The following CSMD2 variants were observed in gnomAD, a reference collection of about 807,000 sequenced individuals.
The protein encoded by CSMD2 is CUB and Sushi multiple domains 2.
A neutral mutation model predicts 398.5 loss-of-function variants in CSMD2; 130 were observed. The observed-to-expected ratio is 0.33, with a 90% CI of 0.28 to 0.38. CSMD2 has a LOEUF of 0.38. Among genes scored for constraint, CSMD2 ranks in the 10% least tolerant of loss-of-function variants. The pLI, the probability that CSMD2 is intolerant of heterozygous loss-of-function variation, is 1.00. For synonymous variants in CSMD2, 1,828 were observed against 1,908.5 expected (o/e 0.96, Z 1.10); for missense variants, 3,829 against 4,764.9 (o/e 0.80, Z 5.78).
intron 10 of CSMD2, 135 bp downstream of exon 10, chr1:33,810,608 A>T: frequency 1.4e-6 from 1 of 731,942 alleles, no homozygotes. Context: ...CTCGATATTA[A>T]TAAAAAAAAA....
intron 55 of CSMD2, among the ~76,000 whole-genome samples, chr1:33,554,185 CTTTTTTTTTT>C (rs397860875): frequency 4.0e-5 from 3 of 74,384 alleles, no homozygotes; most frequent in South Asian, 7.2e-4. Flanking sequence ...AAAAAACAGC[CTTTTTTTTTT>C]TTTTTTTTTT....
intron 1 of CSMD2, among the ~76,000 whole-genome samples, chr1:34,156,788 A>G (rs562865386): frequency 2.6e-5 from 4 of 152,312 alleles, no homozygotes; most frequent in African/African-American, 9.6e-5. Context: ...TAGCATCATA[A>G]AAGTTCCTTA....
chr1:33,967,996 G>A (rs1430147514), intron 3 of CSMD2, among the ~76,000 whole-genome samples: 1 of 152,168 alleles, frequency 6.6e-6, no homozygotes, highest in East Asian at 1.9e-4. Context: ...GCTAAAGCAT[G>A]GAAGCTGCCC....
intron 3 of CSMD2, among the ~76,000 whole-genome samples, chr1:33,952,210 G>A (rs1645028358): frequency 6.6e-6 from 1 of 152,216 alleles, no homozygotes; most frequent in African/African-American, 2.4e-5. Flanking sequence ...ATGCCACCAA[G>A]ATAGCTAAAG....
chr1:33,751,661 T>G (rs1231110206), intron 13 of CSMD2, among the ~76,000 whole-genome samples: 6 of 152,182 alleles, frequency 3.9e-5, no homozygotes, highest in Admixed American at 3.3e-4. Flanking sequence ...CTCACTTTGT[T>G]GCCAGGCTGG....
chr1:33,705,934 T>TAA (rs113435498), intron 22 of CSMD2, among the ~76,000 whole-genome samples: 1 of 145,188 alleles, frequency 6.9e-6, no homozygotes, highest in African/African-American at 2.5e-5. Context: ...CTTTATTATT[T>TAA]AAAAAAAAAA....
chr1:33,556,905 T>C (rs1284094600), intron 55 of CSMD2, among the ~76,000 whole-genome samples: 1 of 152,192 alleles, frequency 6.6e-6, no homozygotes, highest in African/African-American at 2.4e-5. Context: ...ATTGTAAGTT[T>C]CCTGAGGCCT....
intron 3 of CSMD2, among the ~76,000 whole-genome samples, chr1:33,955,511 T>G (rs975523805): frequency 6.6e-6 from 1 of 152,200 alleles, no homozygotes; most frequent in Non-Finnish European, 1.5e-5. Flanking sequence ...TAGAAAGGCA[T>G]TCAGGCTCTG....
intron 15 of CSMD2, among the ~76,000 whole-genome samples, chr1:33,737,243 T>C (rs189378302): frequency 1.4e-3 from 214 of 152,266 alleles, no homozygotes; most frequent in Non-Finnish European, 2.4e-3. Flanking sequence ...AAAGTGCTGA[T>C]TGCACTGAGG....
At chr1:33,655,410 C>T (rs920131357) in intron 27 of CSMD2, among the ~76,000 whole-genome samples, 13 of 152,162 alleles carry the variant, frequency 8.5e-5, no homozygotes, top group African/African-American at 1.4e-4. Flanking sequence ...ATAGTATTTT[C>T]TTTTTTAATC....
At chr1:34,092,394 G>A (rs755948287) in intron 1 of CSMD2, among the ~76,000 whole-genome samples, 5 of 152,096 alleles carry the variant, frequency 3.3e-5, no homozygotes, top group South Asian at 2.1e-4. Flanking sequence ...ATAGATTGTC[G>A]GGGGGAGGAG....
chr1:34,088,452 ATCTTACTCTCTCC>A (rs2148364151), intron 2 of CSMD2, among the ~76,000 whole-genome samples: 1 of 152,272 alleles, frequency 6.6e-6, no homozygotes, highest in African/African-American at 2.4e-5. Flanking sequence ...ACAGGAAGCC[ATCTTACTCTCTCC>A]ATGGGGATCT....
At chr1:33,538,040 A>G (rs987508311) in intron 60 of CSMD2, among the ~76,000 whole-genome samples, 1 of 152,194 alleles carries the variant, frequency 6.6e-6, no homozygotes, top group Admixed American at 6.5e-5. Context: ...AATATTTCCT[A>G]TGTTTATGAC....
Position 33,550,237 on chromosome 1 carries a change from T to C in CSMD2, c.8857A>G (p.Asn2953Asp). 1 of 1,614,176 alleles carries C rather than the reference T, an allele frequency of 6.2e-7. No individual in the cohort carries two copies. Among genetic ancestry groups the C allele is most frequent in the Non-Finnish European group, 8.5e-7 (1 of 1,180,026 alleles). ...TCCAGCCCACACATGCGGGTGCTGT[T>C]TCCCACCAGAGTACGCTTGCCGATG... ...SCIGKRTLVGNSTRMCGLDGH... is the reference protein window; with the variant it reads ...SCIGKRTLVGDSTRMCGLDGH... The change falls in exon 56 of 71, where the codon AAC (asparagine) becomes GAC (aspartate). Residue 2953 changes from asparagine (N) to aspartate (D), a missense_variant. By Grantham distance (23) the Asn-to-Asp change is conservative. Around this residue, in one of 5 missense-constraint regions of CSMD2, gnomAD observed 917 missense variants for 1,199.5 expected, o/e 0.76. Coordinates refer to ENST00000373381, the MANE Select transcript of CSMD2 (RefSeq NM_001281956.2).
intron 5 of CSMD2, among the ~76,000 whole-genome samples, chr1:33,907,216 T>TA (rs1643148758): frequency 6.6e-6 from 1 of 151,802 alleles, no homozygotes; most frequent in Non-Finnish European, 1.5e-5. Flanking sequence ...CCTCCTGGCT[T>TA]TGCGCCATTC....
intron 6 of CSMD2, among the ~76,000 whole-genome samples, chr1:33,837,558 A>G (rs560470425): frequency 1.3e-5 from 2 of 152,332 alleles, no homozygotes; most frequent in Middle Eastern, 6.8e-3. Context: ...AGTATGCTTA[A>G]TATTCACTGG....
intron 47 of CSMD2, among the ~76,000 whole-genome samples, chr1:33,582,694 T>A (rs1186869387): frequency 3.3e-5 from 5 of 152,196 alleles, no homozygotes; most frequent in Non-Finnish European, 5.9e-5. Context: ...CAAAGCACTA[T>A]CATAGCTACT....
intron 3 of CSMD2, among the ~76,000 whole-genome samples, chr1:34,008,850 T>C (rs961805875): frequency 6.6e-6 from 1 of 152,186 alleles, no homozygotes; most frequent in Non-Finnish European, 1.5e-5. Flanking sequence ...TTGCATACAG[T>C]GGGTGCACCA....
At chr1:33,994,689 C>T (rs114566021) in intron 3 of CSMD2, among the ~76,000 whole-genome samples, 1,572 of 152,290 alleles carry the variant, frequency 0.01, 26 homozygotes, top group African/African-American at 0.037. Flanking sequence ...CTTCCCTAAA[C>T]CCACTTCTAC....
Sources: allele counts gnomAD v4.1 joint callset (sites outside exome capture counted in the v4.1 genomes callset), GRCh38; gene constraint gnomAD v4.1.1; regional missense constraint gnomAD v4.1.1; transcripts MANE v1.5; gene names NCBI Gene and HGNC (gene_info 2026-07-23, HGNC 2026-07-21).